SERINC2: variants seen among roughly 807,000 people sequenced by gnomAD.
SERINC2 encodes serine incorporator 2, also known as tumor differentially expressed protein 2.
SERINC2 carries 56 observed loss-of-function variants against 54.2 expected under a neutral mutation model. The ratio of observed to expected loss-of-function variants is 1.03; its 90% CI spans 0.83 to 1.29. SERINC2 has a LOEUF of 1.29. SERINC2 is among the 50% of genes most tolerant of loss of function. The probability of loss-of-function intolerance (pLI) is 0.00; values close to 1 mark genes in which losing one functional copy is unlikely to be tolerated. For missense variants in SERINC2, 614 were observed against 607.4 expected, an observed-to-expected ratio of 1.01 and a Z score of -0.12; for synonymous variants, 272 against 253.1, an observed-to-expected ratio of 1.07 and a Z score of -0.71.
Position 31,433,077 on chromosome 1 carries a change from G to C in SERINC2, c.1124G>C (p.Arg375Pro), listed in dbSNP as rs149573156. 9.3e-6 allele frequency: 15 copies of C among 1,613,352 alleles called. No homozygotes were observed. The East Asian group carries it at 3.1e-4, about 34-fold the overall frequency. Residue 375 changes from arginine to proline, a missense_variant, in exon 9 of 10, where the codon CGG becomes CCG. Physicochemically the swap from Arg to Pro is moderately radical, Grantham distance 103. Coordinates refer to ENST00000373709, the MANE Select transcript of SERINC2 (RefSeq NM_178865.5). Reference protein sequence around the residue: ...QQQQVAACEGRAFDNEQDGVT... With the variant: ...QQQQVAACEGPAFDNEQDGVT... ...CAGCAGGTGGCAGCCTGTGAGGGCC[G>C]GGCCTTTGACAACGAGCAGGACGGC...
At position 31,425,319 on chromosome 1, in the gene SERINC2, C is replaced by T. The variant is rs1553133398; in HGVS notation, c.393-11C>T. The T allele has an allele frequency of 6.2e-7, 1 of 1,603,392 alleles. No individual in the cohort carries two copies. The highest frequency in any genetic ancestry group is 1.1e-5 in the South Asian group (1 of 90,934). The stretch of plus-strand genomic sequence containing the variant: ...TCAGCTTCCTTGTCCATTCCCCGAC[C>T]CCTTCTGTAGGTTTTGGTTCTTTAA... On this transcript the variant is annotated splice_polypyrimidine_tract_variant and intron_variant, in intron 3 of 9. Coordinates refer to ENST00000373709, the MANE Select transcript of SERINC2 (RefSeq NM_178865.5).
chr1:31,425,880 G>T lies in SERINC2; in HGVS notation c.577G>T (p.Ala193Ser), dbSNP rs782028622. 5 of 1,612,918 alleles carry T rather than the reference G, an allele frequency of 3.1e-6. No individual in the cohort carries two copies. Among genetic ancestry groups the T allele is most frequent in the Non-Finnish European group, 4.2e-6 (5 of 1,179,894 alleles). ...HSWNQRWLGK[A>S]EECDSRAWYA... ...CTGGAACCAGCGGTGGCTGGGCAAG[G>T]CCGAGGAGTGCGATTCCCGTGCCTG... The change falls in exon 5 of 10, where the codon GCC (alanine) becomes TCC (serine). Residue 193 changes from alanine (A) to serine (S), a missense_variant. Transcript: ENST00000373709.
rs577895971 is a variant in SERINC2, at chr1:31,415,107, C to T, written c.39+1803C>T. ...ACAGATGAGAAGACTGCCACCCGCCCGGAGAAGATAGCTGACTTTCCTAAG... is the reference window on the plus strand; with the variant it reads ...ACAGATGAGAAGACTGCCACCCGCCTGGAGAAGATAGCTGACTTTCCTAAG... On this transcript the variant is annotated intron_variant, in intron 1 of 9. Transcript: ENST00000373709. Among the ~76,000 whole-genome samples the T allele has an allele frequency of 7.9e-5, 12 of 152,280 alleles. No homozygotes were observed. In the East Asian group the frequency reaches 1.7e-3, roughly 22 times the overall value.
intron 1 of SERINC2, among the ~76,000 whole-genome samples, chr1:31,421,748 G>A (rs781966808): frequency 4.6e-5 from 7 of 152,156 alleles, no homozygotes; most frequent in Non-Finnish European, 1.0e-4. Context: ...GGTGCCCACC[G>A]CTCTTAGGAT....
At chr1:31,418,108 C>G (rs1640824232) in intron 1 of SERINC2, among the ~76,000 whole-genome samples, 1 of 152,168 alleles carries the variant, frequency 6.6e-6, no homozygotes, top group Non-Finnish European at 1.5e-5. Flanking sequence ...ATCCGCCCGC[C>G]TTGGCCTCCC....
At chr1:31,431,769 GAGGGTGAATAGGGTGGATAGGGTGGAT>G (rs1557499623) in intron 8 of SERINC2, among the ~76,000 whole-genome samples, 16 of 28,366 alleles carry the variant, frequency 5.6e-4, no homozygotes, top group Admixed American at 9.3e-4. Flanking sequence ...AGAGGGTGGA[GAGGGTGAATAGGGTGGATAGGGTGGAT>G]AGGGTGGACA....
At chr1:31,429,121 C>T in intron 7 of SERINC2, 53 bp downstream of exon 7, 1 of 1,494,532 alleles carries the variant, frequency 6.7e-7, no homozygotes, top group Non-Finnish European at 9.3e-7. Context: ...GGGTCAGTAT[C>T]AGTCTACTGT....
In SERINC2 at chr1:31,413,960, C is replaced by G. The variant is rs1179446727; in HGVS notation, c.39+656C>G. ...CCTCAGTCTGGCTCGCGCTGCCTCT[C>G]AGGCACTTCCCCAGCTCGCCCCGGA... is the stretch of plus-strand genomic sequence containing the variant. On this transcript the variant is annotated intron_variant, in intron 1 of 9. Transcript: ENST00000373709. This position sits in a 1 kb window ranked among gnomAD's most constrained non-coding sequence, Gnocchi z 5.0. The G allele has an allele frequency of 3.3e-6, 5 of 1,528,778 alleles. No individual in the cohort carries two copies. The African/African-American group carries it at 4.1e-5, about 13-fold the overall frequency. 94.7% of individuals were successfully genotyped at this position (1,528,778 alleles called of 1,614,324 possible).
intron 8 of SERINC2, among the ~76,000 whole-genome samples, chr1:31,432,453 A>G (rs1023915128): frequency 7.9e-5 from 12 of 152,118 alleles, no homozygotes; most frequent in Non-Finnish European, 1.3e-4. Flanking sequence ...CATGAAGGAA[A>G]GGGAGGCCAT....
At chr1:31,413,043 C>G (rs546759302), upstream of SERINC2, 249 of 654,480 alleles carry the variant, frequency 3.8e-4, no homozygotes, top group Non-Finnish European at 4.6e-4. The surrounding 1 kb of genome is among the most constrained non-coding windows in gnomAD (Gnocchi z 5.0). Flanking sequence ...CGCGTGGCCG[C>G]GGGAATCCCC....
intron 1 of SERINC2, chr1:31,414,613 G>A: frequency 5.1e-6 from 5 of 985,900 alleles, no homozygotes; most frequent in Non-Finnish European, 6.0e-6. Context: ...GTGTGTGTGT[G>A]CGTGTGCATG....
chr1:31,424,033 C>T (rs1454113035), intron 2 of SERINC2, among the ~76,000 whole-genome samples, 179 bp downstream of exon 2: 2 of 152,148 alleles, frequency 1.3e-5, no homozygotes, highest in African/African-American at 2.4e-5. Flanking sequence ...GGGGATTCTT[C>T]TTTCTCTTAG....
At chr1:31,412,477 G>C (rs1273910359), upstream of SERINC2, among the ~76,000 whole-genome samples, 1 of 152,164 alleles carries the variant, frequency 6.6e-6, no homozygotes, top group Non-Finnish European at 1.5e-5. Flanking sequence ...GGAGAGAAGG[G>C]AGGATGGGTT....
chr1:31,414,077 A>G (rs1268424708), intron 1 of SERINC2: 2 of 1,483,060 alleles, frequency 1.3e-6, no homozygotes, highest in Non-Finnish European at 1.8e-6. Flanking sequence ...GCGGGTCGTC[A>G]CGGACCACCG....
chr1:31,429,499 T>A lies in SERINC2; in HGVS notation c.974T>A (p.Val325Glu). 1 of 1,613,552 alleles carries A rather than the reference T, an allele frequency of 6.2e-7. No homozygotes were observed. The highest frequency in any genetic ancestry group is 8.5e-7 in the Non-Finnish European group (1 of 1,179,724). ...ETQWWDAPSIVGLIIFLLCTL... is the reference protein window; with the variant it reads ...ETQWWDAPSIEGLIIFLLCTL... ...CAGTGGTGGGATGCCCCGAGCATTG[T>A]GGGCCTCATCATCTTCCTCCTGTGC... The change falls in exon 8 of 10, where the codon GTG (valine) becomes GAG (glutamate). Residue 325 changes from valine (V) to glutamate (E), a missense_variant. Val to Glu is a moderately radical substitution (Grantham distance 121). Coordinates refer to ENST00000373709, the MANE Select transcript of SERINC2 (RefSeq NM_178865.5).
At position 31,426,813 on chromosome 1, in the gene SERINC2, C is replaced by T. The variant is rs1004056740; in HGVS notation, c.770C>T (p.Pro257Leu). The T allele has an allele frequency of 1.9e-6, 3 of 1,613,568 alleles. No individual in the cohort carries two copies. Among genetic ancestry groups the T allele is most frequent in the Admixed American group, 3.3e-5 (2 of 59,984 alleles). The change falls in exon 6 of 10, where the codon CCC (proline) becomes CTC (leucine). Residue 257 changes from proline (P) to leucine (L), a missense_variant. By Grantham distance (98) the Pro-to-Leu change is moderately conservative (BLOSUM62 -3). Coordinates refer to ENST00000373709, the MANE Select transcript of SERINC2 (RefSeq NM_178865.5). ...TGCGTGTCCATCGCTGCTGTCCTGC[C>T]CAAGGTCCAGGTGAGCCTGCCTGAC... is the stretch of plus-strand genomic sequence containing the variant. ...CVCVSIAAVL[P>L]KVQDAQPNSG...
chr1:31,431,095 C>G (rs1307925114), intron 8 of SERINC2, among the ~76,000 whole-genome samples: 2 of 151,716 alleles, frequency 1.3e-5, no homozygotes, highest in African/African-American at 4.8e-5. Flanking sequence ...GTCCTCTCCT[C>G]TCCCCTCCCC....
At chr1:31,410,526 C>T (rs1640630896), upstream of SERINC2, 5 of 1,511,534 alleles carry the variant, frequency 3.3e-6, no homozygotes, top group African/African-American at 2.8e-5. Context: ...AGCATATTAC[C>T]TTGCTCTGGA....
chr1:31,425,661 G>A lies in SERINC2; in HGVS notation c.473-115G>A. The A allele has an allele frequency of 5.4e-6, 7 of 1,292,794 alleles. No individual in the cohort carries two copies. In the South Asian group the frequency reaches 8.1e-5, roughly 15 times the overall value. 80.1% of individuals were successfully genotyped at this position (1,292,794 alleles called of 1,614,324 possible). A position where few individuals can be genotyped will look rare whatever the true frequency, so the allele number is the denominator to read the frequency against. On this transcript the variant is annotated intron_variant, in intron 4 of 9. Coordinates refer to ENST00000373709, the MANE Select transcript of SERINC2 (RefSeq NM_178865.5). ...GTGCGTAGCTAGGGGCTCCCTGAGG[G>A]CAGGGACTCTGTTCTTCTCAGTGTC...
Sources: gnomAD v4.1 joint callset for allele counts (sites outside exome capture counted in the v4.1 genomes callset) on GRCh38, gnomAD v4.1.1 for gene constraint, Gnocchi (gnomAD v3.1) non-coding constraint, MANE v1.5 for transcripts, NCBI Gene and HGNC (gene_info 2026-07-23, HGNC 2026-07-21) for gene names.